Variants in WWC2 observed in about 807,000 individuals in gnomAD.
WWC2 encodes the protein protein WWC2.
WWC2 carries 101 observed loss-of-function variants against 138.5 expected under a neutral mutation model. The ratio of observed to expected loss-of-function variants is 0.73; its 90% CI spans 0.62 to 0.86. The LOEUF (loss-of-function observed/expected upper bound fraction) is 0.86, where lower values mean the gene tolerates loss of function less well. WWC2 is among the 40% of genes least tolerant of loss of function. WWC2 has a pLI of 0.00. For synonymous variants in WWC2, 558 were observed against 538.4 expected, an observed-to-expected ratio of 1.04 and a Z score of -0.50; for missense variants, 1,420 against 1,419.4, an observed-to-expected ratio of 1.00 and a Z score of -0.01.
intron 1 of WWC2, among the ~76,000 whole-genome samples, chr4:183,117,514 C>T (rs1732452806): frequency 6.6e-6 from 1 of 152,106 alleles, no homozygotes; most frequent in African/African-American, 2.4e-5. Flanking sequence ...AGCCACTGTG[C>T]CCGGCCACGT....
At chr4:183,134,496 A>G (rs1421055594) in intron 1 of WWC2, among the ~76,000 whole-genome samples, 2 of 151,690 alleles carry the variant, frequency 1.3e-5, no homozygotes, top group African/African-American at 4.8e-5. Flanking sequence ...TTGTTATTTC[A>G]TTTTCTTTTA....
At chr4:183,124,576 C>T (rs1364185113) in intron 1 of WWC2, among the ~76,000 whole-genome samples, 9 of 147,494 alleles carry the variant, frequency 6.1e-5, no homozygotes, top group African/African-American at 2.3e-4. Flanking sequence ...GCATGAGCCA[C>T]CATGCCCAGC....
chr4:183,125,111 T>C (rs1732721271), intron 1 of WWC2, among the ~76,000 whole-genome samples: 2 of 152,292 alleles, frequency 1.3e-5, no homozygotes, highest in African/African-American at 4.8e-5. Context: ...TTACAGGCTT[T>C]CCTTCAGGGC....
intron 1 of WWC2, among the ~76,000 whole-genome samples, chr4:183,180,089 GTTTAAGTGTGAAACTA>G (rs1734582635): frequency 6.6e-6 from 1 of 152,206 alleles, no homozygotes; most frequent in Non-Finnish European, 1.5e-5. Flanking sequence ...GAAGACAACT[GTTTAAGTGTGAAACTA>G]TAAAAGGGGC....
chr4:183,269,802 C>T, intron 15 of WWC2: 1 of 209,050 alleles, frequency 4.8e-6, no homozygotes, highest in Non-Finnish European at 1.0e-5. Context: ...CTGTTTAAAG[C>T]AATATGACAT....
intron 1 of WWC2, among the ~76,000 whole-genome samples, chr4:183,126,271 G>A (rs895628421): frequency 6.6e-6 from 1 of 152,212 alleles, no homozygotes; most frequent in African/African-American, 2.4e-5. Flanking sequence ...TGGATTGTTT[G>A]AGAGGTAATG....
At chr4:183,162,963 C>T (rs1734003874) in intron 1 of WWC2, among the ~76,000 whole-genome samples, 1 of 152,002 alleles carries the variant, frequency 6.6e-6, no homozygotes, top group Non-Finnish European at 1.5e-5. Flanking sequence ...TCTCTAGTGC[C>T]TTGGTGAGAT....
intron 1 of WWC2, among the ~76,000 whole-genome samples, chr4:183,143,100 C>T (rs72695799): frequency 0.021 from 3,212 of 152,264 alleles, 46 homozygotes; most frequent in Non-Finnish European, 0.026. Flanking sequence ...TAATGAGACA[C>T]TCATTTTTGC....
Position 183,213,947 on chromosome 4 carries a change from C to T in WWC2, c.522+4922C>T, listed in dbSNP as rs143486732. 3.3e-4 allele frequency among the ~76,000 whole-genome samples: 49 copies of T among 150,260 alleles called. No individual in the cohort carries two copies. In the South Asian group the frequency reaches 8.2e-3, roughly 25 times the overall value. On this transcript the variant is annotated intron_variant, in intron 4 of 22. Coordinates refer to ENST00000403733, the MANE Select transcript of WWC2 (RefSeq NM_024949.6). Reference sequence around the variant, plus strand: ...CGTTAAAAAAAAAAAAACACAATACCGAAGTTTATAAATAGGTGAAATTTG... The same window carrying T: ...CGTTAAAAAAAAAAAAACACAATACTGAAGTTTATAAATAGGTGAAATTTG...
intron 4 of WWC2, among the ~76,000 whole-genome samples, chr4:183,230,794 TAAG>T (rs1249893131): frequency 2.6e-5 from 4 of 151,078 alleles, no homozygotes; most frequent in East Asian, 1.9e-4. Flanking sequence ...GACTCAAAAG[TAAG>T]AAGAGAAAAT....
chr4:183,270,784 C>CACATTTACA (rs1737671901), intron 15 of WWC2, among the ~76,000 whole-genome samples: 1 of 152,028 alleles, frequency 6.6e-6, no homozygotes, highest in Non-Finnish European at 1.5e-5. Context: ...ACAATAATTT[C>CACATTTACA]ACATTTACAT....
At chr4:183,120,086 A>G (rs953405322) in intron 1 of WWC2, among the ~76,000 whole-genome samples, 1 of 152,204 alleles carries the variant, frequency 6.6e-6, no homozygotes, top group South Asian at 2.1e-4. Flanking sequence ...TTACCTTTAC[A>G]AGTATAGAAA....
intron 16 of WWC2, among the ~76,000 whole-genome samples, chr4:183,279,777 G>A (rs1434414614): frequency 6.6e-6 from 1 of 152,108 alleles, no homozygotes; most frequent in Admixed American, 6.6e-5. Flanking sequence ...GGTGTTTGTA[G>A]TATTCTCTGA....
intron 8 of WWC2, among the ~76,000 whole-genome samples, chr4:183,252,687 T>C (rs926835986): frequency 6.6e-6 from 1 of 152,236 alleles, no homozygotes; most frequent in Non-Finnish European, 1.5e-5. Flanking sequence ...AATAGCTGTG[T>C]ACAGAGCAAC....
intron 4 of WWC2, among the ~76,000 whole-genome samples, chr4:183,226,146 G>A (rs2111275984): frequency 7.1e-6 from 1 of 141,648 alleles, no homozygotes; most frequent in Admixed American, 7.4e-5. Flanking sequence ...CATTCAGGCT[G>A]AGTGCAGTGG....
intron 1 of WWC2, among the ~76,000 whole-genome samples, chr4:183,155,189 GGAGAGAGAGA>G (rs770609371): frequency 1.8e-4 from 19 of 103,660 alleles, no homozygotes; most frequent in Admixed American, 1.8e-3. Flanking sequence ...CATCTTCTGA[GGAGAGAGAGA>G]GAGAGAGAGA....
chr4:183,154,092 A>G (rs559479930), intron 1 of WWC2, among the ~76,000 whole-genome samples: 55 of 151,782 alleles, frequency 3.6e-4, no homozygotes, highest in African/African-American at 1.3e-3. Context: ...ACTGCAATTC[A>G]AATATTAAAT....
At chr4:183,271,913 G>T (rs1737706323) in intron 16 of WWC2, among the ~76,000 whole-genome samples, 1 of 152,096 alleles carries the variant, frequency 6.6e-6, no homozygotes, top group Non-Finnish European at 1.5e-5. Context: ...GACTGAGGTG[G>T]GTGGATCGAT....
intron 11 of WWC2, among the ~76,000 whole-genome samples, chr4:183,264,244 G>A (rs1737422470): frequency 6.6e-6 from 1 of 152,184 alleles, no homozygotes; most frequent in South Asian, 2.1e-4. Flanking sequence ...GGGCCAAAAT[G>A]CATACCAATA....
Sources: allele counts gnomAD v4.1 joint callset (sites outside exome capture counted in the v4.1 genomes callset), GRCh38; gene constraint gnomAD v4.1.1; transcripts MANE v1.5; gene names NCBI Gene and HGNC (gene_info 2026-07-23, HGNC 2026-07-21).